Variants in KCNJ6 observed in about 807,000 individuals in gnomAD.
KCNJ6 encodes the protein G protein-activated inward rectifier potassium channel 2.
KCNJ6 carries 9 observed loss-of-function variants against 34.2 expected under a neutral mutation model. That is an observed-to-expected ratio of 0.26 (90% CI 0.16 to 0.46). The LOEUF (loss-of-function observed/expected upper bound fraction) is 0.46, where lower values mean the gene tolerates loss of function less well. Ranked by LOEUF, KCNJ6 falls within the 20% of genes least tolerant of loss-of-function variation. KCNJ6 has a pLI of 1.00. For missense variants in KCNJ6, 236 were observed against 531.3 expected (o/e 0.44, Z 5.46); for synonymous variants, 196 against 207.1 (o/e 0.95, Z 0.46).
chr21:37,751,511 C>A (rs1211563593), intron 2 of KCNJ6, among the ~76,000 whole-genome samples: 4 of 152,166 alleles, frequency 2.6e-5, no homozygotes, highest in Non-Finnish European at 5.9e-5. Flanking sequence ...GTGCAAGGTT[C>A]AACATTCCTG....
chr21:37,796,766 GCTTT>G (rs1434052729), intron 2 of KCNJ6, among the ~76,000 whole-genome samples: 1 of 104,018 alleles, frequency 9.6e-6, no homozygotes, highest in South Asian at 3.4e-4. Flanking sequence ...GTGTTTGTGG[GCTTT>G]CTTTCTTTCT....
intron 2 of KCNJ6, among the ~76,000 whole-genome samples, chr21:37,793,721 A>C (rs993960870): frequency 2.0e-5 from 3 of 152,160 alleles, no homozygotes; most frequent in African/African-American, 7.2e-5. Flanking sequence ...GGTGTTAAGC[A>C]CTTGGCCCAT....
intron 3 of KCNJ6, among the ~76,000 whole-genome samples, chr21:37,697,054 T>C (rs1172022462): frequency 6.6e-6 from 1 of 152,208 alleles, no homozygotes; most frequent in African/African-American, 2.4e-5. Flanking sequence ...AGAGGTATCT[T>C]GACAGGCTCC....
Position 37,714,236 on chromosome 21 carries a change from G to A in KCNJ6, c.921C>T (p.Ile307=). The A allele has an allele frequency of 1.2e-6, 2 of 1,613,834 alleles. No homozygotes were observed. The highest frequency in any genetic ancestry group is 1.7e-6 in the Non-Finnish European group (2 of 1,179,808). ...CTGTGGCTTCCACCATTCCTTCTAGGATGACCACAATTTCCAGTTCCTCTT... is the reference window on the plus strand; with the variant it reads ...CTGTGGCTTCCACCATTCCTTCTAGAATGACCACAATTTCCAGTTCCTCTT... ...LPKEELEIVV[I]LEGMVEATGM... is the part of the protein sequence containing the mutation. Residue 307 remains isoleucine, a synonymous_variant, in exon 3 of 4, where the codon ATC becomes ATT. Coordinates refer to ENST00000609713, the MANE Select transcript of KCNJ6 (RefSeq NM_002240.5). The surrounding 1 kb of genome is among the most constrained non-coding windows in gnomAD (Gnocchi z 5.9).
At position 37,727,595 on chromosome 21, in the gene KCNJ6, G is replaced by A. The variant is rs902146033; in HGVS notation, c.26-12464C>T. Among the ~76,000 whole-genome samples, 5 of 152,286 alleles carry A rather than the reference G, an allele frequency of 3.3e-5. No individual in the cohort carries two copies. In the East Asian group the frequency reaches 9.7e-4, roughly 29 times the overall value. On this transcript the variant is annotated intron_variant, in intron 2 of 3. Transcript: ENST00000609713. ...GGGTTTAGGTTGATGTTATAAGGAA[G>A]AGGGAGAGCCGGTTATAAGGAAGAG... is the stretch of plus-strand genomic sequence containing the variant.
chr21:37,659,734 C>T (rs2054479747), intron 3 of KCNJ6, among the ~76,000 whole-genome samples: 1 of 152,210 alleles, frequency 6.6e-6, no homozygotes, highest in Admixed American at 6.5e-5. Flanking sequence ...TCCCTGATAC[C>T]TGAAGCCTCC....
chr21:37,616,896 T>C lies in KCNJ6; in HGVS notation c.*8263A>G, dbSNP rs1290390715. 1 of 151,948 alleles carries C rather than the reference T, an allele frequency of 6.6e-6. No individual in the cohort carries two copies. The highest frequency in any genetic ancestry group is 1.9e-4 in the East Asian group (1 of 5,148). The allele number at this position is 151,948 out of a possible 1,614,324, so 9.4% of individuals were successfully genotyped here. On this transcript the variant is annotated 3_prime_UTR_variant, in exon 4 of 4. Coordinates refer to ENST00000609713, the MANE Select transcript of KCNJ6 (RefSeq NM_002240.5). ...TAAGTTGTGTCTGTAAGTGCTGCAA[T>C]GCAGAGTTCCTTGCAGATAATAACG...
Position 37,916,104 on chromosome 21 carries a change from C to T in KCNJ6, c.-248G>A, listed in dbSNP as rs1161244240. The T allele has an allele frequency of 1.3e-5, 2 of 152,374 alleles. No individual in the cohort carries two copies. The highest frequency in any genetic ancestry group is 3.9e-4 in the East Asian group (2 of 5,176). The allele number at this position is 152,374 out of a possible 1,614,324, so 9.4% of individuals were successfully genotyped here. A position where few individuals can be genotyped will look rare whatever the true frequency, so the allele number is the denominator to read the frequency against. On this transcript the variant is annotated 5_prime_UTR_variant, in exon 1 of 4. Coordinates refer to ENST00000609713, the MANE Select transcript of KCNJ6 (RefSeq NM_002240.5). ...GCTGCTCCGGCTCCAGGTCCGGCTT[C>T]CCGGCGTCCGCGGGTCTCCACCCCT...
intron 1 of KCNJ6, among the ~76,000 whole-genome samples, chr21:37,910,823 T>C (rs2055863690): frequency 6.6e-6 from 1 of 152,214 alleles, no homozygotes; most frequent in Non-Finnish European, 1.5e-5. Context: ...ACTTTACACA[T>C]TGTAATTGGG....
chr21:37,671,873 A>G (rs1429319625), intron 3 of KCNJ6, among the ~76,000 whole-genome samples: 2 of 126,818 alleles, frequency 1.6e-5, no homozygotes, highest in Admixed American at 7.9e-5. Flanking sequence ...GTCCTTATGT[A>G]TAGAAATTCA....
At chr21:37,880,920 G>C (rs2055704463) in intron 1 of KCNJ6, among the ~76,000 whole-genome samples, 1 of 152,132 alleles carries the variant, frequency 6.6e-6, no homozygotes, top group African/African-American at 2.4e-5. Context: ...ATGTGGATAA[G>C]AGCCCATGGA....
At chr21:37,761,665 T>C (rs115013084) in intron 2 of KCNJ6, among the ~76,000 whole-genome samples, 24,529 of 149,592 alleles carry the variant, frequency 0.16, 2,573 homozygotes, top group South Asian at 0.24. Flanking sequence ...GTGTGTTGTA[T>C]GTAGTTTGTG....
At chr21:37,901,988 G>C (rs766263481) in intron 1 of KCNJ6, among the ~76,000 whole-genome samples, 1 of 152,166 alleles carries the variant, frequency 6.6e-6, no homozygotes, top group East Asian at 1.9e-4. Flanking sequence ...ACCTGATATA[G>C]AGAGAAGTAA....
chr21:37,641,130 G>T (rs1326346231), intron 3 of KCNJ6, among the ~76,000 whole-genome samples: 1 of 152,144 alleles, frequency 6.6e-6, no homozygotes, highest in Non-Finnish European at 1.5e-5. Context: ...TCACCAAATT[G>T]TAACTGTCAA....
chr21:37,825,741 G>A (rs895225549), intron 2 of KCNJ6, among the ~76,000 whole-genome samples: 6 of 152,122 alleles, frequency 3.9e-5, no homozygotes, highest in African/African-American at 1.4e-4. Flanking sequence ...ACAGTTCCAT[G>A]TGGCTGGGGA....
intron 1 of KCNJ6, among the ~76,000 whole-genome samples, chr21:37,892,572 A>T (rs773852665): frequency 1.2e-4 from 18 of 152,186 alleles, no homozygotes; most frequent in Non-Finnish European, 2.1e-4. Context: ...CTGCTCACTT[A>T]GGTCCCTGCT....
Position 37,766,511 on chromosome 21 carries a change from C to T in KCNJ6, c.26-51380G>A, listed in dbSNP as rs539753783. On this transcript the variant is annotated intron_variant, in intron 2 of 3. Transcript: ENST00000609713. ...GCTGAAGTCAGAAAAAAATAACCAA[C>T]GGGCCTGGTAAATTTGGATAGCAGG... Among the ~76,000 whole-genome samples the T allele has an allele frequency of 1.2e-4, 19 of 152,260 alleles. No homozygotes were observed. The South Asian group carries it at 2.9e-3, about 23-fold the overall frequency.
intron 3 of KCNJ6, among the ~76,000 whole-genome samples, chr21:37,648,999 G>A (rs961667578): frequency 1.4e-5 from 2 of 141,230 alleles, no homozygotes; most frequent in African/African-American, 2.7e-5. Context: ...GGGTGTGGTG[G>A]CGGGTGCCTG....
intron 3 of KCNJ6, among the ~76,000 whole-genome samples, chr21:37,642,009 G>C (rs181819517): frequency 1.6e-4 from 25 of 152,346 alleles, no homozygotes; most frequent in Admixed American, 8.5e-4. Flanking sequence ...CAGGACGGAT[G>C]GATGGTGGTG....
Sources: gnomAD v4.1 joint callset for allele counts (sites outside exome capture counted in the v4.1 genomes callset) on GRCh38, gnomAD v4.1.1 for gene constraint, Gnocchi (gnomAD v3.1) non-coding constraint, MANE v1.5 for transcripts, NCBI Gene and HGNC (gene_info 2026-07-23, HGNC 2026-07-21) for gene names.